The following PSD2 variants were observed in gnomAD, a reference collection of about 807,000 sequenced individuals.
PSD2 encodes PH and SEC7 domain-containing protein 2.
A neutral mutation model predicts 69.8 loss-of-function variants in PSD2; 38 were observed. That is an observed-to-expected ratio of 0.54 (90% confidence interval 0.42 to 0.71). PSD2 has a LOEUF of 0.71. Ranked by LOEUF, PSD2 falls within the 30% of genes least tolerant of loss-of-function variation. The probability of loss-of-function intolerance (pLI) is 0.00; values close to 1 mark genes in which losing one functional copy is unlikely to be tolerated. For missense variants in PSD2, 943 were observed against 1,014.5 expected, an observed-to-expected ratio of 0.93 and a Z score of 0.96; for synonymous variants, 412 against 423.0, an observed-to-expected ratio of 0.97 and a Z score of 0.32.
Position 139,813,299 on chromosome 5 carries a change from C to G in PSD2, c.372-10C>G. 6.6e-7 allele frequency: 1 copy of G among 1,524,788 alleles called. No homozygotes were observed. Among genetic ancestry groups the G allele is most frequent in the Non-Finnish European group, 8.8e-7 (1 of 1,133,440 alleles). 94.5% of individuals were successfully genotyped at this position (1,524,788 alleles called of 1,614,324 possible). On this transcript the variant is annotated splice_polypyrimidine_tract_variant and intron_variant, in intron 2 of 14. Coordinates refer to ENST00000274710, the MANE Select transcript of PSD2 (RefSeq NM_032289.4). ...TGGCAGGATGGTGACTGGCTCCTTG[C>G]ATCCCACAGGTTGGATGGTCCCGGG... is the stretch of plus-strand genomic sequence containing the variant.
the PSD2 span, among the ~76,000 whole-genome samples, chr5:139,766,920 CCTTCCTTCCCTTCTTTCTTT>C: frequency 2.8e-3 from 86 of 30,974 alleles, 1 homozygote; most frequent in Middle Eastern, 0.014. Context: ...TTCCTTCCTT[CCTTCCTTCCCTTCTTTCTTT>C]CTTTCTTTCT....
At chr5:139,815,274 A>C (rs1373655415) in intron 4 of PSD2, among the ~76,000 whole-genome samples, 2 of 150,400 alleles carry the variant, frequency 1.3e-5, no homozygotes, top group Non-Finnish European at 3.0e-5. Flanking sequence ...AGAAATCACA[A>C]CTCGGATGCC....
intron 1 of PSD2, among the ~76,000 whole-genome samples, chr5:139,807,700 G>T (rs1312124348): frequency 1.3e-5 from 2 of 152,148 alleles, no homozygotes; most frequent in African/African-American, 4.8e-5. Flanking sequence ...TCCACTCCAT[G>T]TTTGAAAACC....
intron 7 of PSD2, among the ~76,000 whole-genome samples, chr5:139,829,380 A>C (rs745780865): frequency 5.3e-5 from 8 of 152,228 alleles, no homozygotes; most frequent in Non-Finnish European, 8.8e-5. Context: ...AAAGCTTACA[A>C]TTTAGTGGCA....
At chr5:139,749,103 G>A in the PSD2 span, among the ~76,000 whole-genome samples, 1 of 152,116 alleles carries the variant, frequency 6.6e-6, no homozygotes, top group Non-Finnish European at 1.5e-5. Context: ...ACCCCAGCTG[G>A]CTTCTCTGCT....
At chr5:139,792,690 C>T (rs1294063549), upstream of PSD2, among the ~76,000 whole-genome samples, 3 of 152,016 alleles carry the variant, frequency 2.0e-5, no homozygotes, top group Admixed American at 6.6e-5. Flanking sequence ...GGATGTTGAC[C>T]CTGCTGTCTT....
chr5:139,843,127 T>C lies in PSD2; in HGVS notation c.*653T>C. ...AGACACAAATATACATCTATAAGAA[T>C]AATATATACATAAGGAACCCCTGAA... On this transcript the variant is annotated 3_prime_UTR_variant, in exon 15 of 15. Transcript: ENST00000274710. 1 of 152,842 alleles carries C rather than the reference T, an allele frequency of 6.5e-6. No individual in the cohort carries two copies. Among genetic ancestry groups the C allele is most frequent in the East Asian group, 1.9e-4 (1 of 5,192 alleles). 9.5% of individuals were successfully genotyped at this position (152,842 alleles called of 1,614,324 possible).
chr5:139,745,734 C>A, the PSD2 span, among the ~76,000 whole-genome samples: 4 of 152,202 alleles, frequency 2.6e-5, no homozygotes, highest in African/African-American at 9.7e-5. Context: ...GGCCCCGAGG[C>A]CCCCGCCTGG....
the PSD2 span, among the ~76,000 whole-genome samples, chr5:139,751,017 A>G: frequency 1.3e-5 from 2 of 152,170 alleles, no homozygotes; most frequent in Non-Finnish European, 2.9e-5. Context: ...GGCCTCTCCC[A>G]TGGGGATCCT....
chr5:139,778,586 C>T, the PSD2 span, among the ~76,000 whole-genome samples: 1 of 152,144 alleles, frequency 6.6e-6, no homozygotes, highest in Non-Finnish European at 1.5e-5. Flanking sequence ...AATGAACATC[C>T]TTGTAGCTAT....
At chr5:139,803,307 T>A (rs1030249262) in intron 1 of PSD2, among the ~76,000 whole-genome samples, 1 of 152,260 alleles carries the variant, frequency 6.6e-6, no homozygotes. Flanking sequence ...CTCTGACAGC[T>A]GCCAAGGACG....
At chr5:139,840,343 A>G (rs1329714119) in intron 14 of PSD2, among the ~76,000 whole-genome samples, 173 bp downstream of exon 14, 2 of 152,194 alleles carry the variant, frequency 1.3e-5, no homozygotes, top group Non-Finnish European at 2.9e-5. Flanking sequence ...CCAGAGTGCC[A>G]GCCTTCCCTG....
At chr5:139,765,767 G>A in the PSD2 span, among the ~76,000 whole-genome samples, 1 of 152,278 alleles carries the variant, frequency 6.6e-6, no homozygotes, top group South Asian at 2.1e-4. Flanking sequence ...GTTCCGGGGG[G>A]GTTCCTCCCG....
At chr5:139,807,190 T>C (rs761823384) in intron 1 of PSD2, among the ~76,000 whole-genome samples, 9 of 152,196 alleles carry the variant, frequency 5.9e-5, no homozygotes, top group Non-Finnish European at 1.3e-4. Context: ...GCTCAGCCCC[T>C]AGGTATGTGT....
chr5:139,835,580 C>T lies in PSD2; in HGVS notation c.1360-143C>T. On this transcript the variant is annotated intron_variant, in intron 8 of 14. Coordinates refer to ENST00000274710, the MANE Select transcript of PSD2 (RefSeq NM_032289.4). ...CCACCCACCCACTCACTTACCCATC[C>T]AGCAAATAAGTATGAATCAAACACC... 3 of 788,688 alleles carry T rather than the reference C, an allele frequency of 3.8e-6. No individual in the cohort carries two copies. The South Asian group carries it at 4.6e-5, about 12-fold the overall frequency. 48.9% of individuals were successfully genotyped at this position (788,688 alleles called of 1,614,324 possible).
intron 9 of PSD2, 150 bp from the exon 10 acceptor site, chr5:139,836,661 T>A (rs1760726062): frequency 3.1e-6 from 2 of 644,514 alleles, no homozygotes; most frequent in Admixed American, 5.6e-5. Flanking sequence ...GGATCTGTGG[T>A]CTGGAATTGG....
chr5:139,781,009 T>C, the PSD2 span, among the ~76,000 whole-genome samples: 2 of 152,236 alleles, frequency 1.3e-5, no homozygotes, highest in Non-Finnish European at 2.9e-5. Flanking sequence ...GATTCAGATG[T>C]TGTGGTCTTA....
At chr5:139,835,504 G>A (rs953188374) in intron 8 of PSD2, among the ~76,000 whole-genome samples, 5 of 152,088 alleles carry the variant, frequency 3.3e-5, no homozygotes, top group Non-Finnish European at 7.4e-5. Flanking sequence ...AGTCTCCTAC[G>A]GGAGATTGAC....
intron 1 of PSD2, among the ~76,000 whole-genome samples, chr5:139,802,424 T>C (rs923746142): frequency 1.3e-5 from 2 of 151,580 alleles, no homozygotes; most frequent in Non-Finnish European, 2.9e-5. Flanking sequence ...GCTGGGCTGG[T>C]TGGGAGGATT....
Sources: allele counts gnomAD v4.1 joint callset (sites outside exome capture counted in the v4.1 genomes callset), GRCh38; gene constraint gnomAD v4.1.1; transcripts MANE v1.5; gene names NCBI Gene and HGNC (gene_info 2026-07-23, HGNC 2026-07-21).